The following TWIST2 variants were observed in gnomAD, a reference collection of about 807,000 sequenced individuals.
TWIST2 encodes the protein twist family bHLH transcription factor 2, also known as twist-related protein 2.
Under a neutral mutation model 11.6 loss-of-function variants are expected in TWIST2, and 1 was observed. The ratio of observed to expected loss-of-function variants is 0.09; its 90% confidence interval spans 0.03 to 0.41. The LOEUF is 0.41. TWIST2 is among the 10% of genes least tolerant of loss of function. The pLI, the probability that TWIST2 is intolerant of heterozygous loss-of-function variation, is 0.98. For synonymous variants in TWIST2, 87 were observed against 96.6 expected, an observed-to-expected ratio of 0.90 and a Z score of 0.58; for missense variants, 168 against 226.4, an observed-to-expected ratio of 0.74 and a Z score of 1.66.
In TWIST2 at chr2:238,906,649, C is replaced by T. The variant is rs943047024; in HGVS notation, c.*36-3193C>T. On this transcript the variant is annotated intron_variant, in intron 1 of 1. Coordinates refer to ENST00000612363, the MANE Select transcript of TWIST2 (RefSeq NM_001271893.4). ...ACACTCACTCTCACACTAGTGGGCA[C>T]ACTCACAGACACACACACGGGATGT... 9.2e-4 allele frequency among the ~76,000 whole-genome samples: 140 copies of T among 152,272 alleles called. 1 individual carries two copies. The highest frequency in any genetic ancestry group is 3.4e-3 in the Middle Eastern group (1 of 294).
At position 238,867,527 on chromosome 2, in the gene TWIST2, T is replaced by C. The variant is rs546460661; in HGVS notation, c.*35+18794T>C. ...GGGTGGTGTGGGCTGAGGAAGAGGC[T>C]GGGAGGAGAGAGTTGTGGCTGGGAA... is the stretch of plus-strand genomic sequence containing the variant. On this transcript the variant is annotated intron_variant, in intron 1 of 1. Transcript: ENST00000612363. The surrounding 1 kb of genome is among the most constrained non-coding windows in gnomAD (Gnocchi z 4.8). 1.3e-5 allele frequency among the ~76,000 whole-genome samples: 2 copies of C among 152,022 alleles called. No individual in the cohort carries two copies. The highest frequency in any genetic ancestry group is 4.2e-4 in the South Asian group (2 of 4,806).
intron 1 of TWIST2, among the ~76,000 whole-genome samples, chr2:238,859,105 G>A (rs1037022473): frequency 7.2e-5 from 11 of 151,846 alleles, no homozygotes; most frequent in Admixed American, 2.0e-4. Flanking sequence ...CCAGCTACTC[G>A]GGAGGCTGAG....
intron 1 of TWIST2, among the ~76,000 whole-genome samples, chr2:238,909,448 G>C (rs1389727161): frequency 3.9e-5 from 6 of 152,126 alleles, no homozygotes; most frequent in Non-Finnish European, 8.8e-5. Flanking sequence ...GGGCCTGCAC[G>C]GGGCCAACGT....
chr2:238,862,457 T>C (rs912355320), intron 1 of TWIST2, among the ~76,000 whole-genome samples: 1 of 152,176 alleles, frequency 6.6e-6, no homozygotes, highest in African/African-American at 2.4e-5. Context: ...AATAAACGCG[T>C]GAAGTGTTGA....
intron 1 of TWIST2, among the ~76,000 whole-genome samples, chr2:238,849,965 C>T (rs777346718): frequency 6.6e-6 from 1 of 152,212 alleles, no homozygotes; most frequent in Non-Finnish European, 1.5e-5. Flanking sequence ...CTCTACTTCA[C>T]ACAGAAGGAA....
At chr2:238,888,058 A>G (rs1298123149) in intron 1 of TWIST2, among the ~76,000 whole-genome samples, 1 of 152,246 alleles carries the variant, frequency 6.6e-6, no homozygotes, top group African/African-American at 2.4e-5. Context: ...GTTCCGAAAG[A>G]CACTTTTCAC....
chr2:238,887,227 A>G (rs908993351), intron 1 of TWIST2: 2 of 152,024 alleles, frequency 1.3e-5, no homozygotes, highest in Non-Finnish European at 2.9e-5. Context: ...ACCCCACCAC[A>G]TCATCTTAAT....
intron 1 of TWIST2, among the ~76,000 whole-genome samples, chr2:238,893,075 C>CT (rs1242831069): frequency 6.6e-6 from 1 of 152,216 alleles, no homozygotes; most frequent in Non-Finnish European, 1.5e-5. Flanking sequence ...CCTAAAAGCA[C>CT]CTCTGCCACA....
In TWIST2 at chr2:238,909,930, C is replaced by A. The variant is rs1693425449; in HGVS notation, c.*124C>A. 6.6e-6 allele frequency: 1 copy of A among 152,296 alleles called. No homozygotes were observed. Among genetic ancestry groups the A allele is most frequent in the African/African-American group, 2.4e-5 (1 of 41,460 alleles). The allele number at this position is 152,296 out of a possible 1,614,324, so 9.4% of individuals were successfully genotyped here. A position where few individuals can be genotyped will look rare whatever the true frequency, so the allele number is the denominator to read the frequency against. On this transcript the variant is annotated 3_prime_UTR_variant, in exon 2 of 2. Coordinates refer to ENST00000612363, the MANE Select transcript of TWIST2 (RefSeq NM_001271893.4). ...CCTGAACAACCTCAGGAGGCCCCCA[C>A]CTCTGCCCTCCACCAGCGTCGAGAG...
In TWIST2 at chr2:238,848,699, C is replaced by T; in HGVS notation, c.*1C>T. On this transcript the variant is annotated 3_prime_UTR_variant, in exon 1 of 2. Transcript: ENST00000612363. ...GTGGTCCATGTCCGCCTCCCACTAG[C>T]GCCGCGCCACCCACCTCCGGACCGG... 1 of 1,508,310 alleles carries T rather than the reference C, an allele frequency of 6.6e-7. No homozygotes were observed. Among genetic ancestry groups the T allele is most frequent in the Non-Finnish European group, 8.9e-7 (1 of 1,129,544 alleles). The allele number at this position is 1,508,310 out of a possible 1,614,324, so 93.4% of individuals were successfully genotyped here.
intron 1 of TWIST2, among the ~76,000 whole-genome samples, chr2:238,875,001 G>A (rs902056638): frequency 6.6e-6 from 1 of 152,202 alleles, no homozygotes; most frequent in Non-Finnish European, 1.5e-5. Context: ...CAATGAAGTT[G>A]ACCAAGGAGG....
At chr2:238,882,494 T>C (rs1692955468) in intron 1 of TWIST2, among the ~76,000 whole-genome samples, 1 of 152,218 alleles carries the variant, frequency 6.6e-6, no homozygotes, top group Admixed American at 6.5e-5. Context: ...CAGACAGCTC[T>C]GGAGAAGCAT....
At chr2:238,859,305 G>A (rs146913983) in intron 1 of TWIST2, among the ~76,000 whole-genome samples, 180 of 151,774 alleles carry the variant, frequency 1.2e-3, no homozygotes, top group African/African-American at 4.2e-3. Context: ...ACTACATATT[G>A]TGATATTTGG....
At chr2:238,896,899 G>T (rs1335722408) in intron 1 of TWIST2, among the ~76,000 whole-genome samples, 1 of 152,214 alleles carries the variant, frequency 6.6e-6, no homozygotes, top group Non-Finnish European at 1.5e-5. Flanking sequence ...AGACAAGGGG[G>T]TCCTGCCTGT....
intron 1 of TWIST2, chr2:238,887,033 A>C (rs900803244): frequency 6.6e-6 from 1 of 152,082 alleles, no homozygotes; most frequent in Non-Finnish European, 1.5e-5. Flanking sequence ...AACCTTCACC[A>C]AGGTCTTGGA....
chr2:238,859,069 G>A (rs986416589), intron 1 of TWIST2, among the ~76,000 whole-genome samples: 5 of 151,982 alleles, frequency 3.3e-5, no homozygotes, highest in African/African-American at 1.2e-4. Context: ...AAAATTAGCC[G>A]GGTGTGGTGG....
At chr2:238,882,992 T>C (rs1392577742) in intron 1 of TWIST2, among the ~76,000 whole-genome samples, 1 of 152,156 alleles carries the variant, frequency 6.6e-6, no homozygotes, top group South Asian at 2.1e-4. Context: ...TGAGGGCAGC[T>C]CTTGACATCA....
chr2:238,889,637 A>C (rs1319924491), intron 1 of TWIST2, among the ~76,000 whole-genome samples: 1 of 152,156 alleles, frequency 6.6e-6, no homozygotes, highest in Admixed American at 6.5e-5. Flanking sequence ...TTATTCCTTC[A>C]TAGTTACCTG....
In TWIST2 at chr2:238,910,302, T is replaced by G. The variant is rs994727440; in HGVS notation, c.*496T>G. The G allele has an allele frequency of 6.6e-6, 1 of 152,064 alleles. No individual in the cohort carries two copies. The highest frequency in any genetic ancestry group is 1.5e-5 in the Non-Finnish European group (1 of 68,006). The allele number at this position is 152,064 out of a possible 1,614,324, so 9.4% of individuals were successfully genotyped here. ...AAGAGGACCCCCGAGTTCCTTCCCCTCCCCCGAGCCTCTGCATGATTGTTT... is the reference window on the plus strand; with the variant it reads ...AAGAGGACCCCCGAGTTCCTTCCCCGCCCCCGAGCCTCTGCATGATTGTTT... On this transcript the variant is annotated 3_prime_UTR_variant, in exon 2 of 2. Coordinates refer to ENST00000612363, the MANE Select transcript of TWIST2 (RefSeq NM_001271893.4).
Sources: allele counts gnomAD v4.1 joint callset (sites outside exome capture counted in the v4.1 genomes callset), GRCh38; gene constraint gnomAD v4.1.1; non-coding constraint Gnocchi (gnomAD v3.1); transcripts MANE v1.5; gene names NCBI Gene and HGNC (gene_info 2026-07-23, HGNC 2026-07-21).